Variants in SLC35G1 observed in about 807,000 individuals in gnomAD.
The protein encoded by SLC35G1 is solute carrier family 35 member G1, also known as partner of STIM1.
Under a neutral mutation model 17.1 loss-of-function variants are expected in SLC35G1, and 10 were observed. The ratio of observed to expected loss-of-function variants is 0.59; its 90% CI spans 0.36 to 0.99. SLC35G1 has a LOEUF of 0.99. Ranked by LOEUF, SLC35G1 falls within the 50% of genes least tolerant of loss-of-function variation. The pLI, the probability that SLC35G1 is intolerant of heterozygous loss-of-function variation, is 0.01. For synonymous variants in SLC35G1, 185 were observed against 181.1 expected (o/e 1.02, Z -0.18); for missense variants, 433 against 468.4 (o/e 0.92, Z 0.70).
chr10:93,906,554 AT>A (rs1483172509), downstream of SLC35G1, among the ~76,000 whole-genome samples: 1 of 152,242 alleles, frequency 6.6e-6, no homozygotes, highest in Non-Finnish European at 1.5e-5. Context: ...TAAAAAAAAA[AT>A]ATAAACGATA....
In SLC35G1 at chr10:93,901,152, A is replaced by C; in HGVS notation, c.760A>C (p.Ser254Arg). ...KMGKSVDYFL[S>R]IWYYVVLGLV... is the part of the protein sequence containing the mutation. Reference sequence around the variant, plus strand: ...GGGAAAATCTGTGGACTACTTTCTGAGCATTTGGTATTATGTAGTACTTGG... The same window carrying C: ...GGGAAAATCTGTGGACTACTTTCTGCGCATTTGGTATTATGTAGTACTTGG... Residue 254 changes from serine (S) to arginine (R), a missense_variant, in exon 3 of 3, where the codon AGC becomes CGC. Transcript: ENST00000427197. 1 of 1,614,062 alleles carries C rather than the reference A, an allele frequency of 6.2e-7. No homozygotes were observed. The highest frequency in any genetic ancestry group is 8.5e-7 in the Non-Finnish European group (1 of 1,179,964).
At position 93,901,531 on chromosome 10, in the gene SLC35G1, T is replaced by C. The variant is rs1258216017; in HGVS notation, c.*41T>C. 1 of 1,538,018 alleles carries C rather than the reference T, an allele frequency of 6.5e-7. No homozygotes were observed. Among genetic ancestry groups the C allele is most frequent in the African/African-American group, 1.4e-5 (1 of 72,390 alleles). On this transcript the variant is annotated 3_prime_UTR_variant, in exon 3 of 3. Transcript: ENST00000427197. ...ATACATATTTTTTTCAAGTACACCA[T>C]CACCTAATTCACATACAGCATACGC...
chr10:93,894,639 A>G (rs1054491353), intron 1 of SLC35G1, among the ~76,000 whole-genome samples: 1 of 152,100 alleles, frequency 6.6e-6, no homozygotes, highest in Admixed American at 6.6e-5. Flanking sequence ...GGAAGCTGAA[A>G]AGCATCGAGT....
At chr10:93,896,595 C>G (rs1373690343) in intron 1 of SLC35G1, among the ~76,000 whole-genome samples, 2 of 152,272 alleles carry the variant, frequency 1.3e-5, no homozygotes, top group East Asian at 3.9e-4. Context: ...CTGAGTGGAG[C>G]CAGTCCTCAC....
In SLC35G1 at chr10:93,901,557, A is replaced by G; in HGVS notation, c.*67A>G. 1 of 1,479,744 alleles carries G rather than the reference A, an allele frequency of 6.8e-7. No individual in the cohort carries two copies. The highest frequency in any genetic ancestry group is 9.0e-7 in the Non-Finnish European group (1 of 1,113,810). 91.7% of individuals were successfully genotyped at this position (1,479,744 alleles called of 1,614,324 possible). On this transcript the variant is annotated 3_prime_UTR_variant, in exon 3 of 3. Coordinates refer to ENST00000427197, the MANE Select transcript of SLC35G1 (RefSeq NM_001134658.3). ...CACCTAATTCACATACAGCATACGCACACATCTGGAAAATCTGCATTTTCT... is the reference window on the plus strand; with the variant it reads ...CACCTAATTCACATACAGCATACGCGCACATCTGGAAAATCTGCATTTTCT...
At chr10:93,904,789 A>C (rs1038742705), downstream of SLC35G1, among the ~76,000 whole-genome samples, 6 of 152,210 alleles carry the variant, frequency 3.9e-5, no homozygotes, top group Non-Finnish European at 7.3e-5. Context: ...CTTATAGACT[A>C]TTAAGAAGGA....
downstream of SLC35G1, among the ~76,000 whole-genome samples, chr10:93,904,089 A>G (rs1001930426): frequency 2.6e-5 from 4 of 151,938 alleles, no homozygotes; most frequent in African/African-American, 9.7e-5. Context: ...GTAGCTTTGA[A>G]CTCTGTACTT....
intron 1 of SLC35G1, among the ~76,000 whole-genome samples, chr10:93,897,983 G>A (rs963301466): frequency 6.6e-6 from 1 of 152,208 alleles, no homozygotes; most frequent in African/African-American, 2.4e-5. Flanking sequence ...AGACTCTTGA[G>A]TCTTTCCCTG....
Position 93,897,563 on chromosome 10 carries a change from A to G in SLC35G1, c.179-1008A>G, listed in dbSNP as rs138999981. Among the ~76,000 whole-genome samples the G allele has an allele frequency of 4.4e-3, 676 of 152,234 alleles. 8 individuals are homozygous for G. The highest frequency in any genetic ancestry group is 0.015 in the African/African-American group (639 of 41,546). ...AAAAGAATATATCCCGCAGTGTGTG[A>G]CCTTTGTTTTAGGGCATTCTCTGCC... On this transcript the variant is annotated intron_variant, in intron 1 of 2. Transcript: ENST00000427197.
intron 1 of SLC35G1, among the ~76,000 whole-genome samples, chr10:93,897,102 T>C (rs910221195): frequency 3.9e-5 from 6 of 152,180 alleles, no homozygotes; most frequent in African/African-American, 1.4e-4. Flanking sequence ...AGCACATGGA[T>C]ACAGAACAGA....
intron 1 of SLC35G1, among the ~76,000 whole-genome samples, chr10:93,897,978 C>CT (rs527491510): frequency 9.8e-5 from 15 of 152,308 alleles, no homozygotes; most frequent in African/African-American, 3.6e-4. Flanking sequence ...GTGTTAGACT[C>CT]TTGAGTCTTT....
Position 93,900,833 on chromosome 10 carries a change from A to G in SLC35G1, c.441A>G (p.Ile147Met). The G allele has an allele frequency of 1.2e-6, 2 of 1,614,114 alleles. No homozygotes were observed. Among genetic ancestry groups the G allele is most frequent in the Non-Finnish European group, 1.7e-6 (2 of 1,179,972 alleles). The change falls in exon 3 of 3, where the codon ATA becomes ATG. Residue 147 changes from isoleucine to methionine, a missense_variant. Physicochemically the swap from Ile to Met is conservative, Grantham distance 10 (BLOSUM62 1). Coordinates refer to ENST00000427197, the MANE Select transcript of SLC35G1 (RefSeq NM_001134658.3). ...GVLGSTAMMLIYYAYQTMSLA... is the reference protein window; with the variant it reads ...GVLGSTAMMLMYYAYQTMSLA... ...TTGGTTCTACCGCCATGATGCTTAT[A>G]TACTATGCTTACCAGACAATGTCCC...
intron 1 of SLC35G1, among the ~76,000 whole-genome samples, chr10:93,896,194 C>T (rs1258881195): frequency 6.6e-6 from 1 of 152,088 alleles, no homozygotes. Context: ...GGGGGTTTCC[C>T]CGTGTTGCCC....
At chr10:93,896,138 A>G (rs1455056146) in intron 1 of SLC35G1, among the ~76,000 whole-genome samples, 3 of 152,004 alleles carry the variant, frequency 2.0e-5, no homozygotes, top group Non-Finnish European at 4.4e-5. Flanking sequence ...CCACAGGCAC[A>G]CACCACCACA....
chr10:93,906,449 G>C (rs1270339290), downstream of SLC35G1: 1 of 152,204 alleles, frequency 6.6e-6, no homozygotes, highest in Non-Finnish European at 1.5e-5. Flanking sequence ...CTGATGCTGT[G>C]TGGAGCAGAG....
At chr10:93,906,889 A>G (rs1454997668), downstream of SLC35G1, among the ~76,000 whole-genome samples, 1 of 152,100 alleles carries the variant, frequency 6.6e-6, no homozygotes. Context: ...ATTCTTTCAT[A>G]AGTATACAGT....
intron 1 of SLC35G1, 32 bp downstream of exon 1, chr10:93,894,243 T>C: frequency 1.5e-6 from 2 of 1,313,794 alleles, no homozygotes; most frequent in East Asian, 3.2e-5. Flanking sequence ...GGCTCTGGTC[T>C]CGCTCGGGGG....
intron 1 of SLC35G1, among the ~76,000 whole-genome samples, chr10:93,897,509 C>A (rs1279515594): frequency 6.6e-6 from 1 of 152,140 alleles, no homozygotes; most frequent in Non-Finnish European, 1.5e-5. Flanking sequence ...TCCTTCTTAC[C>A]CTCAACCCTG....
chr10:93,894,424 G>T (rs1028171836), intron 1 of SLC35G1, among the ~76,000 whole-genome samples: 1 of 152,152 alleles, frequency 6.6e-6, no homozygotes, highest in East Asian at 1.9e-4. Context: ...GAAACTTTCC[G>T]ATTGTTAGCA....
Sources: gnomAD v4.1 joint callset for allele counts (sites outside exome capture counted in the v4.1 genomes callset) on GRCh38, gnomAD v4.1.1 for gene constraint, MANE v1.5 for transcripts, NCBI Gene and HGNC (gene_info 2026-07-23, HGNC 2026-07-21) for gene names.